AKAP9: variants seen among roughly 807,000 people sequenced by gnomAD.
The protein encoded by AKAP9 is A-kinase anchoring protein 9, also known as A-kinase anchor protein 9.
A neutral mutation model predicts 488.5 loss-of-function variants in AKAP9; 311 were observed. That is an observed-to-expected ratio of 0.64 (90% CI 0.58 to 0.70). The LOEUF (loss-of-function observed/expected upper bound fraction) is 0.70, where lower values mean the gene tolerates loss of function less well. AKAP9 is among the 30% of genes least tolerant of loss of function. The pLI is 0.00. For synonymous variants in AKAP9, 1,462 were observed against 1,483.5 expected, an observed-to-expected ratio of 0.99 and a Z score of 0.33; for missense variants, 4,215 against 4,374.5, an observed-to-expected ratio of 0.96 and a Z score of 1.03.
At position 92,012,468 on chromosome 7, in the gene AKAP9, C is replaced by G. The variant is rs1300887608; in HGVS notation, c.3358C>G (p.Leu1120Val). ...RLQMEAQRIC[L>V]SLVYSTHVDQ... ...ACAGATGGAAGCCCAACGCATTTGC[C>G]TCTCTCTGGTTTATTCAACTCATGT... The change falls in exon 9 of 50, where the codon CTC becomes GTC. Residue 1120 changes from leucine to valine, a missense_variant. Coordinates refer to ENST00000356239, the MANE Select transcript of AKAP9 (RefSeq NM_005751.5). 1.2e-6 allele frequency: 2 copies of G among 1,614,078 alleles called. No individual in the cohort carries two copies. The highest frequency in any genetic ancestry group is 4.5e-5 in the East Asian group (2 of 44,844).
At position 92,001,797 on chromosome 7, in the gene AKAP9, C is replaced by A; in HGVS notation, c.1880C>A (p.Thr627Lys). Residue 627 changes from threonine to lysine, a missense_variant, in exon 8 of 50, where the codon ACA becomes AAA. Physicochemically the swap from Thr to Lys is moderately conservative, Grantham distance 78. Coordinates refer to ENST00000356239, the MANE Select transcript of AKAP9 (RefSeq NM_005751.5). ...SQEAELERLR[T>K]QLLFSHEEEL... ...GAAGCTGAATTAGAGAGGCTGAGAACACAGCTTCTATTTAGTCACGAAGAA... is the reference window on the plus strand; with the variant it reads ...GAAGCTGAATTAGAGAGGCTGAGAAAACAGCTTCTATTTAGTCACGAAGAA... The A allele has an allele frequency of 1.9e-6, 3 of 1,613,340 alleles. No homozygotes were observed. Among genetic ancestry groups the A allele is most frequent in the Non-Finnish European group, 2.5e-6 (3 of 1,179,620 alleles).
intron 21 of AKAP9, among the ~76,000 whole-genome samples, chr7:92,051,187 ACCACTATTTCT>A (rs1005855166): frequency 5.3e-5 from 8 of 152,012 alleles, no homozygotes; most frequent in Non-Finnish European, 1.2e-4. Context: ...CACCTACCTC[ACCACTATTTCT>A]CCATGTCCCT....
intron 1 of AKAP9, among the ~76,000 whole-genome samples, chr7:91,952,225 A>G (rs1792346604): frequency 6.6e-6 from 1 of 152,334 alleles, no homozygotes. Flanking sequence ...GTCAATCACG[A>G]TACAATAAGT....
rs974940801 is a variant in AKAP9 at position 92,084,799 on chromosome 7, A to T, written c.8711-20A>T. ...TTTGATTTTTTTTTTTTTAACAGCA[A>T]ATTATTTTCTTTATTTTAGATTCTG... On this transcript the variant is annotated intron_variant, in intron 34 of 49. Coordinates refer to ENST00000356239, the MANE Select transcript of AKAP9 (RefSeq NM_005751.5). 2 of 1,610,856 alleles carry T rather than the reference A, an allele frequency of 1.2e-6. No individual in the cohort carries two copies. Among genetic ancestry groups the T allele is most frequent in the Admixed American group, 1.7e-5 (1 of 59,640 alleles).
At chr7:91,963,574 G>T (rs1794048515) in intron 1 of AKAP9, among the ~76,000 whole-genome samples, 1 of 151,462 alleles carries the variant, frequency 6.6e-6, no homozygotes. Flanking sequence ...CTAGAGTGCA[G>T]TGGCATGATC....
In AKAP9 at chr7:92,085,656, T is replaced by A. The variant is rs777456091; in HGVS notation, c.8994T>A (p.Ile2998=). Reference sequence around the variant, plus strand: ...CAATCTCATCTCTAAAGGATTTAATTACAAAGATGCAACTGCAAAGAGAAG... The same window carrying A: ...CAATCTCATCTCTAAAGGATTTAATAACAAAGATGCAACTGCAAAGAGAAG... ...INTISSLKDL[I]TKMQLQREAE... The change falls in exon 36 of 50, where the codon ATT becomes ATA. Residue 2998 remains isoleucine (I), a synonymous_variant. Transcript: ENST00000356239. 1.9e-6 allele frequency: 3 copies of A among 1,613,372 alleles called. No individual in the cohort carries two copies. Among genetic ancestry groups the A allele is most frequent in the Admixed American group, 1.7e-5 (1 of 59,928 alleles).
chr7:91,981,864 G>T (rs1209178568), intron 3 of AKAP9, among the ~76,000 whole-genome samples: 1 of 151,852 alleles, frequency 6.6e-6, no homozygotes, highest in Non-Finnish European at 1.5e-5. Context: ...TCTGCCTCCC[G>T]AAGTGCTGGG....
chr7:92,020,186 T>C (rs2130725215), intron 12 of AKAP9, among the ~76,000 whole-genome samples: 1 of 152,262 alleles, frequency 6.6e-6, no homozygotes, highest in South Asian at 2.1e-4. Flanking sequence ...GGGATCAGGA[T>C]CAGGACTGCA....
intron 40 of AKAP9, among the ~76,000 whole-genome samples, chr7:92,096,220 C>T (rs146775169): frequency 6.6e-6 from 1 of 151,952 alleles, no homozygotes; most frequent in East Asian, 1.9e-4. Flanking sequence ...TGATTATGCA[C>T]TAACTACTGA....
chr7:92,098,603 A>G (rs1211191005), intron 43 of AKAP9, among the ~76,000 whole-genome samples: 3 of 152,014 alleles, frequency 2.0e-5, no homozygotes, highest in Non-Finnish European at 4.4e-5. Context: ...GATACTTTTG[A>G]CCTGTTTTAT....
At chr7:92,082,373 C>T (rs1483912674) in intron 31 of AKAP9, 149 bp from the exon 32 acceptor site, 2 of 749,920 alleles carry the variant, frequency 2.7e-6, no homozygotes, top group Non-Finnish European at 4.3e-6. Context: ...AAAAGCTTCT[C>T]TGTTTTTGGA....
chr7:92,070,952 G>A lies in AKAP9; in HGVS notation c.6555G>A (p.Leu2185=). The A allele has an allele frequency of 6.2e-7, 1 of 1,613,820 alleles. No individual in the cohort carries two copies. Among genetic ancestry groups the A allele is most frequent in the Non-Finnish European group, 8.5e-7 (1 of 1,179,882 alleles). ...GAGCTGTAGAAGCTAAACCAGAATTGTCCCTAGAAGTACAATTGCAGGCTG... is the reference window on the plus strand; with the variant it reads ...GAGCTGTAGAAGCTAAACCAGAATTATCCCTAGAAGTACAATTGCAGGCTG... The part of the protein sequence containing the change: ...HFGAVEAKPE[L]SLEVQLQAER... The change falls in exon 28 of 50, where the codon TTG becomes TTA. Residue 2185 remains leucine, a synonymous_variant. Coordinates refer to ENST00000356239, the MANE Select transcript of AKAP9 (RefSeq NM_005751.5).
intron 2 of AKAP9, among the ~76,000 whole-genome samples, chr7:91,977,513 G>A (rs574364165): frequency 4.4e-4 from 67 of 151,876 alleles, no homozygotes; most frequent in Non-Finnish European, 7.9e-4. Context: ...CCGAGATCAC[G>A]TCACTACACT....
intron 39 of AKAP9, 116 bp downstream of exon 39, chr7:92,093,432 G>A: frequency 1.1e-6 from 1 of 882,224 alleles, no homozygotes; most frequent in Admixed American, 2.2e-5. Flanking sequence ...GCATGCAACT[G>A]TTTTTTTTAG....
intron 16 of AKAP9, among the ~76,000 whole-genome samples, chr7:92,037,537 AT>A (rs1379722368): frequency 6.6e-6 from 1 of 152,202 alleles, no homozygotes; most frequent in Non-Finnish European, 1.5e-5. Context: ...ACTTAAAGTT[AT>A]TGATACGGTT....
At chr7:92,041,910 C>A (rs1265155116) in intron 18 of AKAP9, 136 bp from the exon 19 acceptor site, 1 of 861,924 alleles carries the variant, frequency 1.2e-6, no homozygotes, top group Non-Finnish European at 1.8e-6. Flanking sequence ...ATACTTTTAA[C>A]CCCTTACGAT....
rs558339511 is a variant in AKAP9, at chr7:92,044,916, A to G, written c.5163-92A>G. The G allele has an allele frequency of 5.0e-3, 4,778 of 959,510 alleles. 45 individuals carry two copies. The highest frequency in any genetic ancestry group is 4.6e-3 in the South Asian group (331 of 72,138). 59.4% of individuals were successfully genotyped at this position (959,510 alleles called of 1,614,324 possible). On this transcript the variant is annotated intron_variant, in intron 20 of 49. Coordinates refer to ENST00000356239, the MANE Select transcript of AKAP9 (RefSeq NM_005751.5). ...GGATCATCTGTTATTTTTCAAATCA[A>G]ATATTTTGCAGTGTACTTTTTAGTG... is the stretch of plus-strand genomic sequence containing the variant.
At chr7:91,970,372 A>G (rs1198430677) in intron 1 of AKAP9, 3 of 382,806 alleles carry the variant, frequency 7.8e-6, no homozygotes, top group Non-Finnish European at 1.5e-5. Flanking sequence ...CCACAATTAC[A>G]GTATTAGAGT....
chr7:91,964,935 G>A (rs1168085924), intron 1 of AKAP9, among the ~76,000 whole-genome samples: 1 of 151,874 alleles, frequency 6.6e-6, no homozygotes, highest in African/African-American at 2.4e-5. Context: ...ATATATTTTG[G>A]GAATACATGT....
Sources: allele counts gnomAD v4.1 joint callset (sites outside exome capture counted in the v4.1 genomes callset), GRCh38; gene constraint gnomAD v4.1.1; transcripts MANE v1.5; gene names NCBI Gene and HGNC (gene_info 2026-07-23, HGNC 2026-07-21).